NCALD: variants seen among roughly 807,000 people sequenced by gnomAD.
The protein encoded by NCALD is neurocalcin-delta.
Under a neutral mutation model 18.6 loss-of-function variants are expected in NCALD, and 10 were observed. That is an observed-to-expected ratio of 0.54 (90% CI 0.33 to 0.91). NCALD has a LOEUF of 0.91. Ranked by LOEUF, NCALD falls within the 40% of genes least tolerant of loss-of-function variation. The pLI is 0.03. For missense variants in NCALD, 184 were observed against 247.6 expected, an observed-to-expected ratio of 0.74 and a Z score of 1.72; for synonymous variants, 88 against 87.4, an observed-to-expected ratio of 1.01 and a Z score of -0.04.
At chr8:101,806,111 T>C (rs1033356253) in intron 4 of NCALD, among the ~76,000 whole-genome samples, 1 of 151,888 alleles carries the variant, frequency 6.6e-6, no homozygotes, top group African/African-American at 2.4e-5. Flanking sequence ...CCTCTGAAAA[T>C]AAATAGTGAA....
chr8:101,697,880 C>T (rs1815075887), intron 2 of NCALD, among the ~76,000 whole-genome samples: 1 of 152,124 alleles, frequency 6.6e-6, no homozygotes, highest in Non-Finnish European at 1.5e-5. Context: ...AAAACTGGCA[C>T]AAAACAAGTA....
At chr8:101,831,485 G>C (rs192461184) in intron 4 of NCALD, among the ~76,000 whole-genome samples, 1 of 152,258 alleles carries the variant, frequency 6.6e-6, no homozygotes, top group East Asian at 1.9e-4. Flanking sequence ...ACTCATCAAA[G>C]GGTATTTGAA....
chr8:102,048,372 A>T (rs1447612625), intron 1 of NCALD, among the ~76,000 whole-genome samples: 1 of 152,158 alleles, frequency 6.6e-6, no homozygotes, highest in African/African-American at 2.4e-5. Context: ...CCCTTTGTCC[A>T]TCCAGCACTA....
At chr8:101,892,021 G>A (rs549054882) in intron 3 of NCALD, among the ~76,000 whole-genome samples, 41 of 152,266 alleles carry the variant, frequency 2.7e-4, no homozygotes, top group Middle Eastern at 3.4e-3. Context: ...ACAGCTCAAG[G>A]AGGCCTGGCT....
intron 1 of NCALD, among the ~76,000 whole-genome samples, chr8:101,758,857 A>G (rs1193665984): frequency 1.3e-5 from 2 of 152,106 alleles, no homozygotes; most frequent in Non-Finnish European, 1.5e-5. Context: ...TTTAATTTGA[A>G]TCTGTGCATC....
At chr8:101,957,314 T>TTTTTA (rs1491405142) in intron 2 of NCALD, among the ~76,000 whole-genome samples, 1 of 126,092 alleles carries the variant, frequency 7.9e-6, no homozygotes, top group African/African-American at 2.8e-5. Flanking sequence ...TTTTTTTTTT[T>TTTTTA]AGCACAAAGC....
At chr8:101,910,467 T>G (rs189758633) in intron 3 of NCALD, among the ~76,000 whole-genome samples, 1 of 143,940 alleles carries the variant, frequency 6.9e-6, no homozygotes, top group Non-Finnish European at 1.5e-5. Flanking sequence ...AACAAATGAG[T>G]TGGTGAATGT....
At chr8:101,869,643 T>C (rs1350063310) in intron 4 of NCALD, among the ~76,000 whole-genome samples, 1 of 152,238 alleles carries the variant, frequency 6.6e-6, no homozygotes, top group East Asian at 1.9e-4. Flanking sequence ...AGGTTCCATC[T>C]GCCTCTTGCC....
At chr8:101,824,656 T>G (rs953625449) in intron 4 of NCALD, among the ~76,000 whole-genome samples, 1 of 152,114 alleles carries the variant, frequency 6.6e-6, no homozygotes, top group Non-Finnish European at 1.5e-5. Flanking sequence ...TATTAACTCT[T>G]TTACTTCATC....
At chr8:101,760,180 A>T (rs1417880301) in intron 1 of NCALD, among the ~76,000 whole-genome samples, 3 of 152,182 alleles carry the variant, frequency 2.0e-5, no homozygotes. Context: ...AGATATTGAC[A>T]ATTTGTCACG....
At chr8:101,961,104 T>A (rs1156644503) in intron 2 of NCALD, among the ~76,000 whole-genome samples, 13 of 152,212 alleles carry the variant, frequency 8.5e-5, no homozygotes, top group Admixed American at 8.5e-4. Context: ...GTATCCCTAG[T>A]ACCTCGGACA....
chr8:101,905,276 C>CCT (rs58447809), intron 3 of NCALD, among the ~76,000 whole-genome samples: 5,151 of 145,444 alleles, frequency 0.035, 117 homozygotes, highest in Non-Finnish European at 0.047. Flanking sequence ...TCTCTCCTCT[C>CCT]CTCTCTCTCT....
intron 2 of NCALD, among the ~76,000 whole-genome samples, chr8:101,704,947 C>T (rs909737805): frequency 6.6e-5 from 10 of 151,500 alleles, no homozygotes; most frequent in Admixed American, 3.3e-4. Flanking sequence ...AAAAATAGGC[C>T]GGGCGCGGTG....
intron 1 of NCALD, among the ~76,000 whole-genome samples, chr8:101,768,702 C>G (rs147891692): frequency 1.4e-5 from 2 of 138,442 alleles, no homozygotes; most frequent in East Asian, 4.3e-4. Flanking sequence ...GAGTGAGACT[C>G]CATCTCAAAA....
intron 2 of NCALD, among the ~76,000 whole-genome samples, chr8:101,971,719 G>T (rs769955218): frequency 6.6e-6 from 1 of 152,096 alleles, no homozygotes; most frequent in Non-Finnish European, 1.5e-5. Context: ...GTACCAACTG[G>T]TTGCACAGAG....
intron 4 of NCALD, among the ~76,000 whole-genome samples, chr8:101,826,600 G>T (rs942570117): frequency 2.6e-5 from 4 of 152,200 alleles, no homozygotes; most frequent in Non-Finnish European, 1.5e-5. Flanking sequence ...GGATATGTGT[G>T]TGGGTGATTT....
At chr8:101,768,911 T>G (rs1811467936) in intron 1 of NCALD, among the ~76,000 whole-genome samples, 1 of 152,184 alleles carries the variant, frequency 6.6e-6, no homozygotes. Context: ...TTTGCAGAAC[T>G]GATTAAGAAT....
At chr8:101,883,847 GA>G (rs1342142360) in intron 4 of NCALD, among the ~76,000 whole-genome samples, 1 of 152,184 alleles carries the variant, frequency 6.6e-6, no homozygotes, top group Non-Finnish European at 1.5e-5. Context: ...AGATCCATGG[GA>G]ACAGGGATTT....
intron 2 of NCALD, among the ~76,000 whole-genome samples, chr8:101,967,142 A>G (rs890058792): frequency 5.3e-5 from 8 of 152,132 alleles, no homozygotes; most frequent in East Asian, 1.9e-4. Flanking sequence ...AATTATTTTC[A>G]TTTTTTACCT....
Sources: allele counts gnomAD v4.1 joint callset (sites outside exome capture counted in the v4.1 genomes callset), GRCh38; gene constraint gnomAD v4.1.1; transcripts MANE v1.5; gene names NCBI Gene and HGNC (gene_info 2026-07-23, HGNC 2026-07-21).